The following NRG1 variants were observed in gnomAD, a reference collection of about 807,000 sequenced individuals.
NRG1 encodes pro-neuregulin-1, membrane-bound isoform.
In NRG1, 18 loss-of-function variants were observed where a neutral mutation model predicts 63.8. That is an observed-to-expected ratio of 0.28 (90% confidence interval 0.19 to 0.42). NRG1 has a LOEUF of 0.42. Among genes scored for constraint, NRG1 ranks in the 10% least tolerant of loss-of-function variants. The probability of loss-of-function intolerance (pLI) is 1.00; values close to 1 mark genes in which losing one functional copy is unlikely to be tolerated. For synonymous variants in NRG1, 302 were observed against 301.3 expected, an observed-to-expected ratio of 1.00 and a Z score of -0.02; for missense variants, 762 against 814.7, an observed-to-expected ratio of 0.94 and a Z score of 0.79.
chr8:32,415,034 G>A (rs1040101475), intron 1 of NRG1, among the ~76,000 whole-genome samples: 6 of 152,162 alleles, frequency 3.9e-5, no homozygotes, highest in Non-Finnish European at 7.3e-5. Context: ...TAGTGGCATT[G>A]TGAGGGAAGC....
At chr8:31,666,613 G>C (rs1806569364) in intron 1 of NRG1, among the ~76,000 whole-genome samples, 1 of 152,196 alleles carries the variant, frequency 6.6e-6, no homozygotes, top group South Asian at 2.1e-4. Flanking sequence ...ATGGTTGGCT[G>C]TTGGGAAAAT....
At chr8:32,206,577 G>T (rs963912739) in intron 1 of NRG1, among the ~76,000 whole-genome samples, 37 of 152,144 alleles carry the variant, frequency 2.4e-4, no homozygotes, top group African/African-American at 8.7e-4. Context: ...CTTCTATCTT[G>T]TTGACCTTCT....
chr8:32,597,024 CCTTA>C (rs1192454850), intron 2 of NRG1, among the ~76,000 whole-genome samples: 2 of 152,132 alleles, frequency 1.3e-5, no homozygotes, highest in Admixed American at 6.5e-5. Flanking sequence ...TTATTTACTT[CCTTA>C]CTTAAGAATC....
At chr8:31,920,305 A>T (rs5025700) in intron 1 of NRG1, among the ~76,000 whole-genome samples, 98,473 of 146,838 alleles carry the variant, frequency 0.67, 32,457 homozygotes, top group East Asian at 0.92. Flanking sequence ...CTTTAAATTA[A>T]AAAAAAAAGA....
At chr8:32,222,327 C>T (rs1845905721) in intron 1 of NRG1, among the ~76,000 whole-genome samples, 1 of 152,054 alleles carries the variant, frequency 6.6e-6, no homozygotes, top group Admixed American at 6.6e-5. Flanking sequence ...GGCTTTTTAA[C>T]TCCTTCCTTC....
intron 1 of NRG1, among the ~76,000 whole-genome samples, chr8:31,764,846 G>A (rs1263017382): frequency 2.7e-5 from 4 of 149,918 alleles, no homozygotes; most frequent in South Asian, 4.2e-4. Flanking sequence ...CCACTAACTC[G>A]TCATCTAGCA....
At chr8:32,083,409 G>A (rs1181068790) in intron 1 of NRG1, among the ~76,000 whole-genome samples, 1 of 152,220 alleles carries the variant, frequency 6.6e-6, no homozygotes, top group African/African-American at 2.4e-5. Context: ...ATATGGGTAT[G>A]TGTGTTGCAG....
At chr8:31,751,534 T>A (rs1255082161) in intron 1 of NRG1, among the ~76,000 whole-genome samples, 1 of 151,994 alleles carries the variant, frequency 6.6e-6, no homozygotes, top group Non-Finnish European at 1.5e-5. Context: ...GATCAGGCAG[T>A]GCTTTGATGG....
intron 1 of NRG1, among the ~76,000 whole-genome samples, chr8:32,270,155 T>C (rs1418998580): frequency 6.6e-6 from 1 of 152,184 alleles, no homozygotes; most frequent in East Asian, 1.9e-4. Context: ...CAGAAACAAG[T>C]TATATCTAAA....
chr8:31,653,248 A>C (rs1056612580), intron 1 of NRG1, among the ~76,000 whole-genome samples: 1 of 152,100 alleles, frequency 6.6e-6, no homozygotes, highest in African/African-American at 2.4e-5. Context: ...TCAACAAAAA[A>C]TACTGACTTG....
intron 1 of NRG1, among the ~76,000 whole-genome samples, chr8:32,514,656 T>C (rs1057150077): frequency 2.0e-5 from 3 of 152,144 alleles, no homozygotes; most frequent in Admixed American, 2.0e-4. Context: ...TGGATAGTGA[T>C]TTATGCCAGT....
chr8:31,747,317 A>C (rs925290646), intron 1 of NRG1, among the ~76,000 whole-genome samples: 1 of 151,934 alleles, frequency 6.6e-6, no homozygotes, highest in African/African-American at 2.4e-5. Context: ...CCACAAAAAA[A>C]GTGTTGGAAG....
chr8:31,671,978 G>A (rs977373427), intron 1 of NRG1, among the ~76,000 whole-genome samples: 5 of 152,160 alleles, frequency 3.3e-5, no homozygotes, highest in African/African-American at 1.2e-4. Context: ...ATTAAGATCA[G>A]CTGTCAAAAT....
At chr8:31,937,643 C>T (rs1801114086) in intron 1 of NRG1, among the ~76,000 whole-genome samples, 1 of 152,086 alleles carries the variant, frequency 6.6e-6, no homozygotes, top group Non-Finnish European at 1.5e-5. Flanking sequence ...TCATCTGCTG[C>T]CTGGAAATAG....
chr8:31,670,787 G>A (rs1241269829), intron 1 of NRG1, among the ~76,000 whole-genome samples: 1 of 151,970 alleles, frequency 6.6e-6, no homozygotes, highest in Non-Finnish European at 1.5e-5. Context: ...TTTAACTTGG[G>A]TTTTTATTTT....
At chr8:32,287,632 C>T (rs982846677) in intron 1 of NRG1, 6 of 152,298 alleles carry the variant, frequency 3.9e-5, no homozygotes, top group Non-Finnish European at 5.9e-5. Flanking sequence ...ATCAAGCATT[C>T]GCCAGTTCCT....
At chr8:32,281,951 G>T (rs1017606078) in intron 1 of NRG1, among the ~76,000 whole-genome samples, 1 of 152,194 alleles carries the variant, frequency 6.6e-6, no homozygotes, top group Non-Finnish European at 1.5e-5. Flanking sequence ...CACAGTAAAA[G>T]AATGTATATG....
intron 1 of NRG1, among the ~76,000 whole-genome samples, chr8:32,150,684 A>G (rs538191590): frequency 2.0e-5 from 3 of 152,284 alleles, no homozygotes; most frequent in African/African-American, 7.2e-5. Context: ...ATAGCAGCCC[A>G]AACAGACTAA....
At chr8:32,242,599 T>C (rs1391168693) in intron 1 of NRG1, among the ~76,000 whole-genome samples, 1 of 152,196 alleles carries the variant, frequency 6.6e-6, no homozygotes, top group Non-Finnish European at 1.5e-5. Flanking sequence ...TGATTATTAA[T>C]CATCTTATTT....
Sources: gnomAD v4.1 joint callset for allele counts (sites outside exome capture counted in the v4.1 genomes callset) on GRCh38, gnomAD v4.1.1 for gene constraint, MANE v1.5 for transcripts, NCBI Gene and HGNC (gene_info 2026-07-23, HGNC 2026-07-21) for gene names.